The following VOPP1 variants were observed in gnomAD, a reference collection of about 807,000 sequenced individuals.
VOPP1 encodes VOPP1 WW domain binding protein.
In VOPP1, 8 loss-of-function variants were observed where a neutral mutation model predicts 23.5. The observed-to-expected ratio is 0.34, with a 90% CI of 0.20 to 0.61. The LOEUF (loss-of-function observed/expected upper bound fraction) is 0.61, where lower values mean the gene tolerates loss of function less well. Ranked by LOEUF, VOPP1 falls within the 20% of genes least tolerant of loss-of-function variation. The pLI is 0.78. For synonymous variants in VOPP1, 83 were observed against 97.3 expected (o/e 0.85, Z 0.86); for missense variants, 174 against 238.1 (o/e 0.73, Z 1.77).
In VOPP1 at chr7:55,561,979, C is replaced by T. The variant is rs929043255; in HGVS notation, c.54+10292G>A. 8.5e-6 allele frequency: 6 copies of T among 703,458 alleles called. No homozygotes were observed. The East Asian group carries it at 1.6e-4, about 19-fold the overall frequency. The allele number at this position is 703,458 out of a possible 1,614,324, so 43.6% of individuals were successfully genotyped here. ...GAAAGTATGGTGCCTTCAGGACCCA[C>T]AGTAGTCGGTTCAGTCTGCTGTACT... is the stretch of plus-strand genomic sequence containing the variant. On this transcript the variant is annotated intron_variant, in intron 1 of 4. Coordinates refer to ENST00000285279, the MANE Select transcript of VOPP1 (RefSeq NM_030796.5).
chr7:55,562,518 G>A (rs1232732929), intron 1 of VOPP1, among the ~76,000 whole-genome samples: 1 of 152,214 alleles, frequency 6.6e-6, no homozygotes, highest in Admixed American at 6.5e-5. Context: ...TATTGCAATA[G>A]GGGTCAATCT....
chr7:55,495,147 G>A (rs951215717), intron 3 of VOPP1, among the ~76,000 whole-genome samples: 2 of 151,648 alleles, frequency 1.3e-5, no homozygotes, highest in South Asian at 2.1e-4. Context: ...TCAGGACTCC[G>A]CATGGGACCC....
At chr7:55,485,334 C>A (rs1357736112) in intron 4 of VOPP1, among the ~76,000 whole-genome samples, 1 of 152,178 alleles carries the variant, frequency 6.6e-6, no homozygotes, top group Admixed American at 6.5e-5. Flanking sequence ...CATTTCACAT[C>A]CTTCAAAAGT....
At position 55,494,771 on chromosome 7, in the gene VOPP1, T is replaced by G. The variant is rs529169482; in HGVS notation, c.192-2353A>C. On this transcript the variant is annotated intron_variant, in intron 3 of 4. Transcript: ENST00000285279. ...CATTGTGCTAGGCCAAGAACTTATT[T>G]TAAAAGAGAGAAACTAACAAAGGGG... is the stretch of plus-strand genomic sequence containing the variant. Among the ~76,000 whole-genome samples, 10 of 152,226 alleles carry G rather than the reference T, an allele frequency of 6.6e-5. No homozygotes were observed. The East Asian group carries it at 1.9e-3, about 29-fold the overall frequency.
intron 1 of VOPP1, among the ~76,000 whole-genome samples, chr7:55,536,226 G>A (rs1796779195): frequency 6.6e-6 from 1 of 152,178 alleles, no homozygotes; most frequent in African/African-American, 2.4e-5. Flanking sequence ...AGGATACATA[G>A]GCTGATTAAA....
At chr7:55,536,397 C>T (rs779272482) in intron 1 of VOPP1, among the ~76,000 whole-genome samples, 5 of 152,030 alleles carry the variant, frequency 3.3e-5, no homozygotes, top group Admixed American at 1.3e-4. Flanking sequence ...GGTGTGGTGG[C>T]GGGCGCCTGT....
At chr7:55,548,374 G>A (rs1001487066) in intron 1 of VOPP1, among the ~76,000 whole-genome samples, 1 of 152,226 alleles carries the variant, frequency 6.6e-6, no homozygotes, top group African/African-American at 2.4e-5. Flanking sequence ...GAAGAGCAGT[G>A]GCTGACCGCC....
At chr7:55,524,787 C>T (rs1796071624) in intron 1 of VOPP1, among the ~76,000 whole-genome samples, 1 of 152,100 alleles carries the variant, frequency 6.6e-6, no homozygotes, top group South Asian at 2.1e-4. Flanking sequence ...ACACGCCTGC[C>T]TGAGGAGCCC....
rs114956361 is a variant in VOPP1, at chr7:55,486,220, A to G, written c.328+6062T>C. On this transcript the variant is annotated intron_variant, in intron 4 of 4. Transcript: ENST00000285279. ...TGCAAGCTTTGTTGTGAGTAATGTAACAACAGGAATTGCCTACCAACAGGG... is the reference window on the plus strand; with the variant it reads ...TGCAAGCTTTGTTGTGAGTAATGTAGCAACAGGAATTGCCTACCAACAGGG... 3.8e-3 allele frequency among the ~76,000 whole-genome samples: 578 copies of G among 152,368 alleles called. 4 individuals are homozygous for G. Among genetic ancestry groups the G allele is most frequent in the African/African-American group, 0.014 (563 of 41,582 alleles).
At position 55,452,200 on chromosome 7, in the gene VOPP1, C is replaced by T. The variant is rs1268513486; in HGVS notation, n.418-16026G>A. On this transcript the variant is annotated intron_variant and non_coding_transcript_variant, in intron 4 of 4. Coordinates refer to the VOPP1 transcript ENST00000462326. The stretch of plus-strand genomic sequence containing the variant: ...GAGTAGATTCCATTTCAAGAAACCA[C>T]CTTCTTCACTCATCCATAGGAAGAA... Among the ~76,000 whole-genome samples, 10 of 152,196 alleles carry T rather than the reference C, an allele frequency of 6.6e-5. No homozygotes were observed. The South Asian group carries it at 1.7e-3, about 25-fold the overall frequency.
Position 55,514,733 on chromosome 7 carries a change from G to A in VOPP1, c.113+6339C>T, listed in dbSNP as rs564894570. 2.0e-5 allele frequency among the ~76,000 whole-genome samples: 3 copies of A among 152,302 alleles called. No homozygotes were observed. The East Asian group carries it at 5.8e-4, about 29-fold the overall frequency. On this transcript the variant is annotated intron_variant, in intron 2 of 4. Transcript: ENST00000285279. ...AGGGACACTCATCCCCAGCTCTCTG[G>A]AGATGACACCGCAGAGTGCTTAGGC...
At chr7:55,451,781 ACT>A (rs1373437772) in intron 4 of VOPP1, among the ~76,000 whole-genome samples, 2 of 152,152 alleles carry the variant, frequency 1.3e-5, no homozygotes, top group Non-Finnish European at 1.5e-5. Flanking sequence ...ACAGAGCGAG[ACT>A]CTGTCTAAAA....
intron 1 of VOPP1, among the ~76,000 whole-genome samples, chr7:55,522,624 T>C (rs1795939258): frequency 6.6e-6 from 1 of 152,160 alleles, no homozygotes; most frequent in Non-Finnish European, 1.5e-5. Flanking sequence ...CAGCCAAACA[T>C]TCCTGGAACC....
intron 1 of VOPP1, among the ~76,000 whole-genome samples, chr7:55,556,571 C>G (rs1254943652): frequency 6.6e-6 from 1 of 152,046 alleles, no homozygotes; most frequent in Non-Finnish European, 1.5e-5. Context: ...ATAAACTTCA[C>G]ACATTGGGGC....
At chr7:55,447,404 C>T (rs912258765) in intron 4 of VOPP1, among the ~76,000 whole-genome samples, 1 of 152,170 alleles carries the variant, frequency 6.6e-6, no homozygotes, top group Non-Finnish European at 1.5e-5. Context: ...GTAAGGAGGA[C>T]TCTGGTGTTG....
chr7:55,524,266 C>A (rs1056089681), intron 1 of VOPP1, among the ~76,000 whole-genome samples: 2 of 152,218 alleles, frequency 1.3e-5, no homozygotes, highest in Non-Finnish European at 2.9e-5. Flanking sequence ...CCAAATGAAT[C>A]ATATTTTGAA....
In VOPP1 at chr7:55,499,377, A is replaced by G. The variant is rs146284287; in HGVS notation, c.114-1687T>C. 2.7e-3 allele frequency among the ~76,000 whole-genome samples: 406 copies of G among 152,292 alleles called. 3 individuals are homozygous for G. Among genetic ancestry groups the G allele is most frequent in the African/African-American group, 8.0e-3 (332 of 41,540 alleles). On this transcript the variant is annotated intron_variant, in intron 2 of 4. Transcript: ENST00000285279. ...TGAGGTAGAAGAACTGCTTGAACCC[A>G]GGAGGCAGAGGTTGCAGTGAGCCAA...
intron 4 of VOPP1, among the ~76,000 whole-genome samples, chr7:55,482,785 C>A (rs1051935073): frequency 6.6e-6 from 1 of 152,140 alleles, no homozygotes; most frequent in Non-Finnish European, 1.5e-5. Flanking sequence ...TAATGTCCCA[C>A]AAGAAAAGGC....
chr7:55,535,438 A>G (rs1198199798), intron 1 of VOPP1, among the ~76,000 whole-genome samples: 2 of 152,180 alleles, frequency 1.3e-5, no homozygotes, highest in African/African-American at 2.4e-5. Flanking sequence ...AGGGTGAAGT[A>G]CAGACCCCAG....
Sources: gnomAD v4.1 joint callset for allele counts (sites outside exome capture counted in the v4.1 genomes callset) on GRCh38, gnomAD v4.1.1 for gene constraint, MANE v1.5 for transcripts, NCBI Gene and HGNC (gene_info 2026-07-23, HGNC 2026-07-21) for gene names.